CNTN4: variants seen among roughly 807,000 people sequenced by gnomAD.
The protein encoded by CNTN4 is contactin 4.
Under a neutral mutation model 122.5 loss-of-function variants are expected in CNTN4, and 77 were observed. The observed-to-expected ratio is 0.63, with a 90% CI of 0.52 to 0.76. The LOEUF (loss-of-function observed/expected upper bound fraction) is 0.76, where lower values mean the gene tolerates loss of function less well. Ranked by LOEUF, CNTN4 falls within the 30% of genes least tolerant of loss-of-function variation. CNTN4 has a pLI of 0.00. For synonymous variants in CNTN4, 512 were observed against 447.0 expected (o/e 1.15, Z -1.83); for missense variants, 1,256 against 1,259.1 (o/e 1.00, Z 0.04).
At chr3:2,132,804 G>T (rs566239782) in intron 2 of CNTN4, among the ~76,000 whole-genome samples, 1 of 152,244 alleles carries the variant, frequency 6.6e-6, no homozygotes, top group East Asian at 1.9e-4. Flanking sequence ...CCTCATTGTG[G>T]ATGACAGGGC....
intron 14 of CNTN4, among the ~76,000 whole-genome samples, chr3:3,011,347 C>G (rs1697211032): frequency 6.6e-6 from 1 of 152,112 alleles, no homozygotes; most frequent in African/African-American, 2.4e-5. Context: ...TAGTTATTCA[C>G]CGGTTATTAA....
chr3:2,425,968 C>A (rs952068127), intron 3 of CNTN4, among the ~76,000 whole-genome samples: 5 of 152,150 alleles, frequency 3.3e-5, no homozygotes, highest in East Asian at 1.9e-4. Context: ...AGATTTTGGG[C>A]TGAGACAATG....
chr3:2,623,421 A>T (rs1435423226), intron 4 of CNTN4, among the ~76,000 whole-genome samples: 3 of 152,132 alleles, frequency 2.0e-5, no homozygotes, highest in African/African-American at 4.8e-5. Flanking sequence ...ATCCAACCAC[A>T]CAGCAGTTTT....
At chr3:2,652,153 T>C (rs763429784) in intron 4 of CNTN4, among the ~76,000 whole-genome samples, 1 of 151,830 alleles carries the variant, frequency 6.6e-6, no homozygotes, top group Admixed American at 6.6e-5. Flanking sequence ...GCTCACAAGG[T>C]CAAGGTTGTA....
intron 2 of CNTN4, among the ~76,000 whole-genome samples, chr3:2,152,991 G>A (rs2035562238): frequency 1.3e-5 from 2 of 152,194 alleles, no homozygotes; most frequent in Non-Finnish European, 2.9e-5. Context: ...CATGGAGCCT[G>A]CTTTAGATTA....
At chr3:2,422,544 T>G (rs1168930639) in intron 3 of CNTN4, among the ~76,000 whole-genome samples, 1 of 152,212 alleles carries the variant, frequency 6.6e-6, no homozygotes, top group Non-Finnish European at 1.5e-5. Context: ...GATCAAGTGC[T>G]TATATCTAAA....
chr3:2,513,210 A>T (rs375066039), intron 3 of CNTN4, among the ~76,000 whole-genome samples: 1 of 152,182 alleles, frequency 6.6e-6, no homozygotes, highest in South Asian at 2.1e-4. Context: ...TGATGGCTAT[A>T]TGGTCCCTAA....
At chr3:3,048,265 A>G (rs2125853652) in intron 23 of CNTN4, among the ~76,000 whole-genome samples, 1 of 152,352 alleles carries the variant, frequency 6.6e-6, no homozygotes, top group South Asian at 2.1e-4. Flanking sequence ...AATGAAAATG[A>G]CACAGATTTT....
intron 13 of CNTN4, among the ~76,000 whole-genome samples, chr3:2,962,062 A>G (rs1268136298): frequency 6.6e-6 from 1 of 152,240 alleles, no homozygotes; most frequent in Non-Finnish European, 1.5e-5. Flanking sequence ...ATGTAATTTG[A>G]ACCCCAAGAC....
chr3:2,534,762 C>T (rs188808304), intron 3 of CNTN4, among the ~76,000 whole-genome samples: 8 of 145,776 alleles, frequency 5.5e-5, no homozygotes, highest in South Asian at 4.5e-4. Flanking sequence ...TAGAAGTGGT[C>T]GTTAAAAGCT....
At chr3:2,350,692 G>C (rs184666437) in intron 3 of CNTN4, among the ~76,000 whole-genome samples, 2 of 152,110 alleles carry the variant, frequency 1.3e-5, no homozygotes, top group Non-Finnish European at 2.9e-5. Context: ...ATGAAGTAGC[G>C]AGAAATGAAT....
intron 14 of CNTN4, among the ~76,000 whole-genome samples, chr3:2,993,954 A>T (rs1499127): frequency 0.054 from 8,296 of 152,266 alleles, 359 homozygotes; most frequent in African/African-American, 0.12. Context: ...CAGAGGAGAG[A>T]TAATAAATCA....
At chr3:2,773,972 C>G (rs1188832620) in intron 6 of CNTN4, among the ~76,000 whole-genome samples, 3 of 152,148 alleles carry the variant, frequency 2.0e-5, no homozygotes, top group Middle Eastern at 3.4e-3. Flanking sequence ...GTTGGCCAGG[C>G]TGGTCTCGAA....
At chr3:2,892,827 G>T (rs895431707) in intron 10 of CNTN4, among the ~76,000 whole-genome samples, 2 of 152,196 alleles carry the variant, frequency 1.3e-5, no homozygotes, top group Non-Finnish European at 2.9e-5. Context: ...GGAAGCAACT[G>T]CTGGGGCCAA....
chr3:2,830,794 C>G (rs892775387), intron 7 of CNTN4, among the ~76,000 whole-genome samples: 2 of 152,112 alleles, frequency 1.3e-5, no homozygotes, highest in Non-Finnish European at 2.9e-5. Context: ...ATGAGTGGTG[C>G]TTTGGCTACA....
intron 4 of CNTN4, among the ~76,000 whole-genome samples, chr3:2,610,419 A>G (rs2149816528): frequency 6.6e-6 from 1 of 152,290 alleles, no homozygotes; most frequent in South Asian, 2.1e-4. Flanking sequence ...ATAAACTTTA[A>G]GCCCGTGGCC....
intron 2 of CNTN4, among the ~76,000 whole-genome samples, chr3:2,299,064 A>G (rs1392795407): frequency 6.6e-6 from 1 of 152,138 alleles, no homozygotes; most frequent in Non-Finnish European, 1.5e-5. Flanking sequence ...AGTGGCTGAG[A>G]TTAAACAGCA....
At chr3:2,449,348 C>T (rs757655075) in intron 3 of CNTN4, among the ~76,000 whole-genome samples, 1 of 151,466 alleles carries the variant, frequency 6.6e-6, no homozygotes, top group Non-Finnish European at 1.5e-5. Flanking sequence ...GGCGTGGTGA[C>T]TCACACCTGT....
intron 14 of CNTN4, among the ~76,000 whole-genome samples, chr3:2,994,068 G>GTAAGCT (rs1695302195): frequency 6.6e-6 from 1 of 152,140 alleles, no homozygotes; most frequent in Non-Finnish European, 1.5e-5. Context: ...AACCAGAATA[G>GTAAGCT]TAAGCTAAGA....
Sources: allele counts gnomAD v4.1 joint callset (sites outside exome capture counted in the v4.1 genomes callset), GRCh38; gene constraint gnomAD v4.1.1; transcripts MANE v1.5; gene names NCBI Gene and HGNC (gene_info 2026-07-23, HGNC 2026-07-21).